Variants in PDSS2 observed in about 807,000 individuals in gnomAD.
PDSS2 encodes all trans-polyprenyl-diphosphate synthase PDSS2.
In PDSS2, 31 loss-of-function variants were observed where a neutral mutation model predicts 44.5. The observed-to-expected ratio is 0.70, with a 90% CI of 0.52 to 0.94. The LOEUF (loss-of-function observed/expected upper bound fraction) is 0.94, where lower values mean the gene tolerates loss of function less well. PDSS2 is among the 40% of genes least tolerant of loss of function. The pLI is 0.00. For synonymous variants in PDSS2, 157 were observed against 180.3 expected (o/e 0.87, Z 1.03); for missense variants, 452 against 482.2 (o/e 0.94, Z 0.59).
At chr6:107,434,263 A>C (rs1435366618) in intron 1 of PDSS2, among the ~76,000 whole-genome samples, 1 of 152,238 alleles carries the variant, frequency 6.6e-6, no homozygotes, top group Non-Finnish European at 1.5e-5. Context: ...GTATATGCCC[A>C]AAAGAAAGGA....
At chr6:107,417,979 T>C (rs964597795) in intron 1 of PDSS2, among the ~76,000 whole-genome samples, 5 of 151,892 alleles carry the variant, frequency 3.3e-5, no homozygotes, top group African/African-American at 1.2e-4. Flanking sequence ...TGGAAAAGGA[T>C]AGAAAATCAT....
intron 1 of PDSS2, among the ~76,000 whole-genome samples, chr6:107,361,589 GC>G (rs1433937319): frequency 6.6e-6 from 1 of 152,006 alleles, no homozygotes; most frequent in African/African-American, 2.4e-5. Context: ...TACCACCCCT[GC>G]CCTAAAAGAC....
intron 7 of PDSS2, among the ~76,000 whole-genome samples, chr6:107,186,393 C>A (rs1772165215): frequency 6.6e-6 from 1 of 152,152 alleles, no homozygotes; most frequent in Admixed American, 6.5e-5. Flanking sequence ...CCACACTCTC[C>A]CCTACTACCT....
chr6:107,161,787 C>T (rs1430105339), intron 7 of PDSS2, among the ~76,000 whole-genome samples: 1 of 152,160 alleles, frequency 6.6e-6, no homozygotes, highest in East Asian at 1.9e-4. Context: ...AGTACTAGTG[C>T]TATGAATGAC....
Position 107,253,899 on chromosome 6 carries a change from G to A in PDSS2, c.631-8280C>T, listed in dbSNP as rs191678620. Among the ~76,000 whole-genome samples the A allele has an allele frequency of 4.9e-4, 74 of 152,098 alleles. No individual in the cohort carries two copies. In the East Asian group the frequency reaches 0.013, roughly 26 times the overall value. Reference sequence around the variant, plus strand: ...AATTTTCAGTGAGGTGTGGTAGCTCGTGCCTGTAATCCCAACACTTTGTGA... The same window carrying A: ...AATTTTCAGTGAGGTGTGGTAGCTCATGCCTGTAATCCCAACACTTTGTGA... On this transcript the variant is annotated intron_variant, in intron 3 of 7. Transcript: ENST00000369037.
At chr6:107,160,782 A>G (rs563618822) in intron 7 of PDSS2, among the ~76,000 whole-genome samples, 1 of 152,060 alleles carries the variant, frequency 6.6e-6, no homozygotes, top group East Asian at 1.9e-4. Flanking sequence ...ATGAAAACAG[A>G]TCAGTATGAA....
chr6:107,438,770 T>A (rs1781431076), intron 1 of PDSS2, among the ~76,000 whole-genome samples: 1 of 152,226 alleles, frequency 6.6e-6, no homozygotes, highest in African/African-American at 2.4e-5. Flanking sequence ...GGCTTTGAGC[T>A]AACATTAATT....
At chr6:107,392,450 T>C (rs1779814562) in intron 1 of PDSS2, among the ~76,000 whole-genome samples, 1 of 152,322 alleles carries the variant, frequency 6.6e-6, no homozygotes, top group East Asian at 1.9e-4. Flanking sequence ...TGATCTTTAG[T>C]TCCATGTTCA....
At chr6:107,326,081 C>G (rs187698433) in intron 2 of PDSS2, among the ~76,000 whole-genome samples, 1 of 151,316 alleles carries the variant, frequency 6.6e-6, no homozygotes, top group East Asian at 1.9e-4. Flanking sequence ...ATACAATTAT[C>G]TGAACTATGT....
chr6:107,191,137 C>T (rs1246818203), intron 7 of PDSS2, among the ~76,000 whole-genome samples: 1 of 152,092 alleles, frequency 6.6e-6, no homozygotes, highest in African/African-American at 2.4e-5. Flanking sequence ...GTGATCCGCC[C>T]GCCTCCACCT....
intron 2 of PDSS2, among the ~76,000 whole-genome samples, chr6:107,312,501 C>T (rs537699860): frequency 1.3e-5 from 2 of 152,270 alleles, no homozygotes; most frequent in East Asian, 1.9e-4. Context: ...AATTACTTCA[C>T]CTCTGTGTGC....
intron 7 of PDSS2, among the ~76,000 whole-genome samples, chr6:107,161,254 G>A (rs1258062682): frequency 6.6e-6 from 1 of 151,798 alleles, no homozygotes; most frequent in Non-Finnish European, 1.5e-5. Flanking sequence ...GCTGAGGCGG[G>A]CGGATCACGA....
At chr6:107,384,584 T>G (rs999665496) in intron 1 of PDSS2, among the ~76,000 whole-genome samples, 1 of 150,618 alleles carries the variant, frequency 6.6e-6, no homozygotes, top group East Asian at 2.0e-4. Flanking sequence ...GAGGTTGCAG[T>G]GAGTCGAGAT....
intron 7 of PDSS2, among the ~76,000 whole-genome samples, chr6:107,189,002 C>T (rs1772275519): frequency 6.6e-6 from 1 of 152,190 alleles, no homozygotes; most frequent in African/African-American, 2.4e-5. Context: ...CCTCAACTTC[C>T]TGGGGTCAGG....
intron 6 of PDSS2, among the ~76,000 whole-genome samples, chr6:107,207,158 A>C (rs1424653287): frequency 6.6e-6 from 1 of 151,906 alleles, no homozygotes; most frequent in Non-Finnish European, 1.5e-5. Flanking sequence ...GTGCCCGACT[A>C]ATTTTTTGTA....
At chr6:107,292,218 T>C (rs1210073580) in intron 2 of PDSS2, among the ~76,000 whole-genome samples, 1 of 142,196 alleles carries the variant, frequency 7.0e-6, no homozygotes, top group Non-Finnish European at 1.6e-5. Context: ...TAAGTAGTAC[T>C]TCAATTAAAA....
At chr6:107,276,168 CA>C (rs1775777683) in intron 2 of PDSS2, among the ~76,000 whole-genome samples, 2 of 149,788 alleles carry the variant, frequency 1.3e-5, no homozygotes, top group South Asian at 4.3e-4. Context: ...AAGGTAGAGC[CA>C]AGAACAATGG....
At chr6:107,185,060 C>T (rs550715047) in intron 7 of PDSS2, among the ~76,000 whole-genome samples, 3 of 146,784 alleles carry the variant, frequency 2.0e-5, no homozygotes, top group South Asian at 4.3e-4. Context: ...ATCTCTTGAG[C>T]CCAGGAGTTC....
chr6:107,208,050 A>G (rs553190332), intron 6 of PDSS2, among the ~76,000 whole-genome samples: 2 of 129,020 alleles, frequency 1.6e-5, no homozygotes, highest in South Asian at 5.3e-4. Context: ...ACGGTGGCGC[A>G]ATCTTGGCTC....
Sources: gnomAD v4.1 joint callset for allele counts (sites outside exome capture counted in the v4.1 genomes callset) on GRCh38, gnomAD v4.1.1 for gene constraint, MANE v1.5 for transcripts, NCBI Gene and HGNC (gene_info 2026-07-23, HGNC 2026-07-21) for gene names.